PPFIBP1: variants seen among roughly 807,000 people sequenced by gnomAD.
PPFIBP1 encodes the protein liprin-beta-1.
PPFIBP1 carries 112 observed loss-of-function variants against 137.8 expected under a neutral mutation model. The ratio of observed to expected loss-of-function variants is 0.81; its 90% CI spans 0.70 to 0.95. PPFIBP1 has a LOEUF of 0.95. Among genes scored for constraint, PPFIBP1 ranks in the 40% least tolerant of loss-of-function variants. The pLI is 0.00. For missense variants in PPFIBP1, 1,083 were observed against 1,196.6 expected (o/e 0.91, Z 1.40); for synonymous variants, 378 against 417.3 (o/e 0.91, Z 1.15).
intron 2 of PPFIBP1, among the ~76,000 whole-genome samples, chr12:27,622,422 C>G (rs919668575): frequency 3.9e-5 from 6 of 152,158 alleles, no homozygotes; most frequent in African/African-American, 1.4e-4. Context: ...GGCCAAGTTG[C>G]GATGTAATTT....
chr12:27,530,991 C>T (rs1032812697), intron 1 of PPFIBP1, among the ~76,000 whole-genome samples: 3 of 152,234 alleles, frequency 2.0e-5, no homozygotes, highest in African/African-American at 7.2e-5. Flanking sequence ...AATAAAATCT[C>T]TACTTGGTTA....
At chr12:27,575,069 TGAAG>T in intron 1 of PPFIBP1, among the ~76,000 whole-genome samples, 1 of 152,260 alleles carries the variant, frequency 6.6e-6, no homozygotes, top group East Asian at 1.9e-4. Context: ...GACAGTCTAC[TGAAG>T]TAGCAGGCTT....
intron 8 of PPFIBP1, among the ~76,000 whole-genome samples, chr12:27,655,455 A>G (rs2059139490): frequency 6.6e-6 from 1 of 152,252 alleles, no homozygotes; most frequent in Admixed American, 6.5e-5. Flanking sequence ...AGGTAAAAAG[A>G]AAGAATTTAT....
At chr12:27,613,960 A>G (rs2055454191) in intron 2 of PPFIBP1, among the ~76,000 whole-genome samples, 1 of 151,988 alleles carries the variant, frequency 6.6e-6, no homozygotes, top group African/African-American at 2.4e-5. Flanking sequence ...CGGACTCCAC[A>G]CCCCAGGTCC....
At chr12:27,546,265 T>C (rs191255431) in intron 1 of PPFIBP1, among the ~76,000 whole-genome samples, 13 of 152,284 alleles carry the variant, frequency 8.5e-5, no homozygotes, top group Non-Finnish European at 1.3e-4. Context: ...CTGTGTGATA[T>C]TGGGCAAGTC....
chr12:27,624,343 G>C (rs2056621633), intron 2 of PPFIBP1, among the ~76,000 whole-genome samples: 1 of 152,232 alleles, frequency 6.6e-6, no homozygotes, highest in Non-Finnish European at 1.5e-5. Context: ...AGTAAGAGTA[G>C]ATATGGAGAA....
At position 27,671,547 on chromosome 12, in the gene PPFIBP1, G is replaced by A. The variant is rs2060200338; in HGVS notation, c.1262+1G>A. The A allele has an allele frequency of 2.6e-6, 4 of 1,536,960 alleles. No homozygotes were observed. Among genetic ancestry groups the A allele is most frequent in the African/African-American group, 1.4e-5 (1 of 71,534 alleles). On this transcript the variant is annotated splice_donor_variant, in intron 14 of 29. Coordinates refer to ENST00000228425, the MANE Select transcript of PPFIBP1 (RefSeq NM_003622.4). LOFTEE classifies it high-confidence loss of function. ...AGCCAGAGACTTCATTTGAAGAAAAGTATGTCATTTATTAACAGTGCAATA... is the reference window on the plus strand; with the variant it reads ...AGCCAGAGACTTCATTTGAAGAAAAATATGTCATTTATTAACAGTGCAATA...
intron 1 of PPFIBP1, among the ~76,000 whole-genome samples, chr12:27,557,222 T>A (rs1334203091): frequency 7.0e-6 from 1 of 143,082 alleles, no homozygotes; most frequent in Admixed American, 7.6e-5. Flanking sequence ...TTTTTAGGAG[T>A]AATACCATGG....
intron 1 of PPFIBP1, among the ~76,000 whole-genome samples, chr12:27,532,696 G>C (rs1223670195): frequency 6.6e-6 from 1 of 152,092 alleles, no homozygotes; most frequent in East Asian, 1.9e-4. Flanking sequence ...TGAGGAGGCA[G>C]TGGGGACAGA....
intron 11 of PPFIBP1, among the ~76,000 whole-genome samples, chr12:27,662,657 G>A (rs1417864404): frequency 6.6e-6 from 1 of 152,182 alleles, no homozygotes; most frequent in Non-Finnish European, 1.5e-5. Context: ...TTCTCTTAAG[G>A]AGTTAAGGAA....
intron 2 of PPFIBP1, among the ~76,000 whole-genome samples, chr12:27,615,073 A>G (rs2055594835): frequency 6.6e-6 from 1 of 152,192 alleles, no homozygotes; most frequent in African/African-American, 2.4e-5. Flanking sequence ...GGCAGATCCT[A>G]GGAAGGTTTG....
chr12:27,658,823 T>C lies in PPFIBP1; in HGVS notation c.819T>C (p.Asn273=). Residue 273 remains asparagine, a synonymous_variant, in exon 10 of 30, where the codon AAT becomes AAC. Coordinates refer to ENST00000228425, the MANE Select transcript of PPFIBP1 (RefSeq NM_003622.4). The part of the protein sequence containing the change: ...EGVEIVDRDE[N]FKKKLKEKNI... ...ATGGGTTTTCCTGCACAGATGAAAATTTTAAAAAGAAGCTCAAAGAAAAAA... is the reference window on the plus strand; with the variant it reads ...ATGGGTTTTCCTGCACAGATGAAAACTTTAAAAAGAAGCTCAAAGAAAAAA... The C allele has an allele frequency of 6.2e-7, 1 of 1,612,952 alleles. No homozygotes were observed.
At chr12:27,658,737 C>T in intron 9 of PPFIBP1, 79 bp from the exon 10 acceptor site, 4 of 1,433,520 alleles carry the variant, frequency 2.8e-6, no homozygotes, top group Admixed American at 2.0e-5. Context: ...TAAAAAGAGA[C>T]TAAATAGTAG....
chr12:27,635,464 C>T (rs1565910181), intron 4 of PPFIBP1: 2 of 379,350 alleles, frequency 5.3e-6, no homozygotes, highest in Non-Finnish European at 9.5e-6. Context: ...GGGTTATTCA[C>T]CATAAAGGAT....
chr12:27,683,033 T>A (rs753701428), intron 24 of PPFIBP1, among the ~76,000 whole-genome samples: 1 of 152,226 alleles, frequency 6.6e-6, no homozygotes, highest in Non-Finnish European at 1.5e-5. Flanking sequence ...GTACATTTTA[T>A]GGTATGCAAA....
rs374026427 is a variant in PPFIBP1, at chr12:27,650,070, A to G, written c.532A>G (p.Asn178Asp). The G allele has an allele frequency of 1.2e-6, 2 of 1,605,676 alleles. No individual in the cohort carries two copies. Among genetic ancestry groups the G allele is most frequent in the Non-Finnish European group, 1.7e-6 (2 of 1,172,408 alleles). The change falls in exon 7 of 30, where the codon AAC becomes GAC. Residue 178 changes from asparagine (N) to aspartate (D), a missense_variant. Physicochemically the swap from Asn to Asp is conservative, Grantham distance 23 (BLOSUM62 1). Transcript: ENST00000228425. ...QKLDLMAEIS[N>D]LKLKLTAVEK... ...GTTGGATCTGATGGCTGAAATATCT[A>G]ACTTGAAGTTGAAACTGACAGCTGT...
At position 27,633,374 on chromosome 12, in the gene PPFIBP1, A is replaced by G. The variant is rs1357097128; in HGVS notation, c.-23A>G. The G allele has an allele frequency of 1.8e-5, 29 of 1,612,644 alleles. No homozygotes were observed. Among genetic ancestry groups the G allele is most frequent in the Non-Finnish European group, 2.4e-5 (28 of 1,178,892 alleles). Reference sequence around the variant, plus strand: ...TATTTTTTTTCAGATCTGGGTTGGAATTTGCCCCTGACAAATAATAAAATG... The same window carrying G: ...TATTTTTTTTCAGATCTGGGTTGGAGTTTGCCCCTGACAAATAATAAAATG... On this transcript the variant is annotated 5_prime_UTR_variant, in exon 3 of 30. Transcript: ENST00000228425.
intron 1 of PPFIBP1, among the ~76,000 whole-genome samples, chr12:27,550,444 T>C (rs1946650982): frequency 6.6e-6 from 1 of 152,248 alleles, no homozygotes. Context: ...AAGTCATATG[T>C]AAATTTTTAT....
intron 13 of PPFIBP1, among the ~76,000 whole-genome samples, chr12:27,670,785 A>ATAATAATAATAAT (rs1555238606): frequency 2.9e-5 from 4 of 139,310 alleles, no homozygotes; most frequent in South Asian, 4.3e-4. Flanking sequence ...TCTCAAAAAA[A>ATAATAATAATAAT]AAAAAAAAAA....
Sources: gnomAD v4.1 joint callset for allele counts (sites outside exome capture counted in the v4.1 genomes callset) on GRCh38, gnomAD v4.1.1 for gene constraint, MANE v1.5 for transcripts, NCBI Gene and HGNC (gene_info 2026-07-23, HGNC 2026-07-21) for gene names.